The following CNTLN variants were observed in gnomAD, a reference collection of about 807,000 sequenced individuals.
CNTLN encodes centlein, also known as centlein, centrosomal protein.
CNTLN carries 212 observed loss-of-function variants against 180.0 expected under a neutral mutation model. That is an observed-to-expected ratio of 1.18 (90% CI 1.05 to 1.32). The LOEUF is 1.32. CNTLN is among the 40% of genes most tolerant of loss of function. CNTLN has a pLI of 0.00. For synonymous variants in CNTLN, 722 were observed against 563.1 expected, an observed-to-expected ratio of 1.28 and a Z score of -3.99; for missense variants, 2,095 against 1,610.9, an observed-to-expected ratio of 1.30 and a Z score of -5.14.
intron 25 of CNTLN, among the ~76,000 whole-genome samples, chr9:17,491,644 A>G (rs927838534): frequency 2.6e-5 from 4 of 151,892 alleles, no homozygotes; most frequent in Admixed American, 1.3e-4. Context: ...ATTTTCTTCT[A>G]TTGGAACTAT....
chr9:17,140,703 C>T (rs990262888), intron 1 of CNTLN, among the ~76,000 whole-genome samples: 3 of 152,118 alleles, frequency 2.0e-5, no homozygotes, highest in Non-Finnish European at 4.4e-5. Context: ...CTTGGCCTCC[C>T]AAAGTGATTA....
intron 2 of CNTLN, among the ~76,000 whole-genome samples, chr9:17,179,033 A>G (rs1037612277): frequency 6.8e-6 from 1 of 146,324 alleles, no homozygotes; most frequent in Non-Finnish European, 1.5e-5. Context: ...TCACGAGGTC[A>G]GGAGATCGAG....
rs187610429 is a variant in CNTLN, at chr9:17,421,364, A to C, written c.3114+5175A>C. 2.7e-3 allele frequency among the ~76,000 whole-genome samples: 414 copies of C among 152,142 alleles called. 6 individuals carry two copies. The highest frequency in any genetic ancestry group is 0.024 in the Admixed American group (369 of 15,274). ...TTATATTTTTTTGTCTCAAATTTTAAAAATATGATATAAGTATAGCTAGTC... is the reference window on the plus strand; with the variant it reads ...TTATATTTTTTTGTCTCAAATTTTACAAATATGATATAAGTATAGCTAGTC... On this transcript the variant is annotated intron_variant, in intron 18 of 25. Transcript: ENST00000380647.
intron 2 of CNTLN, among the ~76,000 whole-genome samples, chr9:17,177,813 G>C (rs1820822053): frequency 1.3e-5 from 2 of 152,170 alleles, no homozygotes; most frequent in Non-Finnish European, 2.9e-5. Context: ...TTATTGCAAA[G>C]AGCGAAAGAA....
Position 17,353,049 on chromosome 9 carries a change from T to A in CNTLN, c.1886+10605T>A, listed in dbSNP as rs151049104. 5.7e-3 allele frequency among the ~76,000 whole-genome samples: 874 copies of A among 152,348 alleles called. 5 individuals are homozygous for A. Among genetic ancestry groups the A allele is most frequent in the African/African-American group, 0.02 (840 of 41,576 alleles). On this transcript the variant is annotated intron_variant, in intron 12 of 25. Coordinates refer to ENST00000380647, the MANE Select transcript of CNTLN (RefSeq NM_017738.4). ...GTATACAAGGGATTGTTTGAATACC[T>A]GTTTCCAGTTCTTTTGGGTATAAAC...
At chr9:17,294,788 GA>G (rs1280435570) in intron 6 of CNTLN, among the ~76,000 whole-genome samples, 4 of 19,762 alleles carry the variant, frequency 2.0e-4, no homozygotes, top group East Asian at 1.5e-3. Context: ...TGAGGGGAGG[GA>G]GGGGGGGAGG....
At chr9:17,362,984 C>A (rs568177419) in intron 12 of CNTLN, among the ~76,000 whole-genome samples, 1 of 152,062 alleles carries the variant, frequency 6.6e-6, no homozygotes, top group Non-Finnish European at 1.5e-5. Context: ...TGAGAAAATG[C>A]GGTATTTGGT....
intron 9 of CNTLN, among the ~76,000 whole-genome samples, chr9:17,332,121 C>T (rs1163654786): frequency 6.6e-6 from 1 of 151,980 alleles, no homozygotes; most frequent in Non-Finnish European, 1.5e-5. Flanking sequence ...ACCATATGGT[C>T]ATTATGGTAT....
intron 1 of CNTLN, among the ~76,000 whole-genome samples, chr9:17,140,437 G>T (rs1216875827): frequency 6.7e-6 from 1 of 148,804 alleles, no homozygotes; most frequent in Non-Finnish European, 1.5e-5. Flanking sequence ...ATGAGGTAAT[G>T]GTTATGTTTT....
At chr9:17,504,180 A>G (rs1833887557), downstream of CNTLN, among the ~76,000 whole-genome samples, 1 of 152,206 alleles carries the variant, frequency 6.6e-6, no homozygotes, top group African/African-American at 2.4e-5. Context: ...TCACACACTT[A>G]AGGCACAATG....
intron 15 of CNTLN, among the ~76,000 whole-genome samples, chr9:17,400,594 G>C (rs1826896117): frequency 6.6e-6 from 1 of 152,066 alleles, no homozygotes; most frequent in East Asian, 1.9e-4. Context: ...CATAAAATAG[G>C]CATAATGATA....
At chr9:17,383,859 C>T (rs1029484248) in intron 13 of CNTLN, among the ~76,000 whole-genome samples, 11 of 152,060 alleles carry the variant, frequency 7.2e-5, no homozygotes, top group South Asian at 4.2e-4. Context: ...AGGATGGTCT[C>T]GATCTCCTGA....
rs1056731934 is a variant in CNTLN, at chr9:17,301,879, A to G, written c.1146+3527A>G. 6 of 951,284 alleles carry G rather than the reference A, an allele frequency of 6.3e-6. No homozygotes were observed. The African/African-American group carries it at 7.1e-5, about 11-fold the overall frequency. The allele number at this position is 951,284 out of a possible 1,614,324, so 58.9% of individuals were successfully genotyped here. ...TTCACTTTTAAAAATGCATCTTAAC[A>G]TATTTGTTAGCACACTAGTATTTTT... On this transcript the variant is annotated intron_variant, in intron 7 of 25. Transcript: ENST00000380647.
chr9:17,237,398 CA>C (rs1563910358), intron 5 of CNTLN, among the ~76,000 whole-genome samples: 53 of 144,462 alleles, frequency 3.7e-4, no homozygotes, highest in African/African-American at 1.3e-3. Context: ...CACACACACA[CA>C]CACACACGGT....
At chr9:17,195,401 G>T (rs541725040) in intron 2 of CNTLN, among the ~76,000 whole-genome samples, 18 of 152,216 alleles carry the variant, frequency 1.2e-4, no homozygotes, top group African/African-American at 4.3e-4. Flanking sequence ...TGTATCCTTT[G>T]CTTCTTGATG....
chr9:17,495,634 G>T (rs1405277475), intron 25 of CNTLN, among the ~76,000 whole-genome samples: 1 of 152,052 alleles, frequency 6.6e-6, no homozygotes, highest in African/African-American at 2.4e-5. Flanking sequence ...ATTGAAGAAA[G>T]AAAAAGGTTT....
intron 13 of CNTLN, among the ~76,000 whole-genome samples, chr9:17,379,979 G>C (rs1030142497): frequency 6.6e-6 from 1 of 152,148 alleles, no homozygotes; most frequent in African/African-American, 2.4e-5. Context: ...TCTGTCAAGA[G>C]CTTAGCTGAA....
Position 17,302,843 on chromosome 9 carries a change from A to G in CNTLN, c.1146+4491A>G, listed in dbSNP as rs1013656553. Among the ~76,000 whole-genome samples the G allele has an allele frequency of 3.3e-5, 5 of 152,262 alleles. No homozygotes were observed. In the East Asian group the frequency reaches 9.6e-4, roughly 29 times the overall value. Reference sequence around the variant, plus strand: ...AAGTCCTTCCAGTTAGATCACAGTTATAAAGACAGAATGTAAAATTGTACT... The same window carrying G: ...AAGTCCTTCCAGTTAGATCACAGTTGTAAAGACAGAATGTAAAATTGTACT... On this transcript the variant is annotated intron_variant, in intron 7 of 25. Coordinates refer to ENST00000380647, the MANE Select transcript of CNTLN (RefSeq NM_017738.4).
chr9:17,471,526 C>T (rs1832042065), intron 23 of CNTLN, among the ~76,000 whole-genome samples: 1 of 152,024 alleles, frequency 6.6e-6, no homozygotes, highest in African/African-American at 2.4e-5. Context: ...CCAAGAATTG[C>T]AAGAAGGCTG....
Sources: gnomAD v4.1 joint callset for allele counts (sites outside exome capture counted in the v4.1 genomes callset) on GRCh38, gnomAD v4.1.1 for gene constraint, MANE v1.5 for transcripts, NCBI Gene and HGNC (gene_info 2026-07-23, HGNC 2026-07-21) for gene names.